ZNF487: variants seen among roughly 807,000 people sequenced by gnomAD.
The protein encoded by ZNF487 is zinc finger protein 487, also known as KRAB domain only 1.
A neutral mutation model predicts 3.0 loss-of-function variants in ZNF487; 4 were observed. The ratio of observed to expected loss-of-function variants is 1.35; its 90% confidence interval spans 0.66 to 3.08. The LOEUF is 3.08. Among genes scored for constraint, ZNF487 ranks in the 30% most tolerant of loss-of-function variants. The pLI, the probability that ZNF487 is intolerant of heterozygous loss-of-function variation, is 0.01. For synonymous variants in ZNF487, 55 were observed against 34.6 expected (o/e 1.59, Z -2.06); for missense variants, 146 against 98.7 (o/e 1.48, Z -2.03).
At chr10:43,476,728 T>C (rs1394352234) in intron 3 of ZNF487, among the ~76,000 whole-genome samples, 1 of 152,162 alleles carries the variant, frequency 6.6e-6, no homozygotes, top group African/African-American at 2.4e-5. Context: ...TGGTATACCC[T>C]GTGCTGTGAA....
chr10:43,454,536 A>G (rs1169347326), intron 1 of ZNF487: 1 of 152,190 alleles, frequency 6.6e-6, no homozygotes, highest in Non-Finnish European at 1.5e-5. Flanking sequence ...TTTATATTCA[A>G]TGTTGTTGAA....
intron 1 of ZNF487, among the ~76,000 whole-genome samples, chr10:43,474,094 A>G (rs1257814402): frequency 6.6e-6 from 1 of 151,646 alleles, no homozygotes; most frequent in Non-Finnish European, 1.5e-5. Context: ...CCAGGAGGTC[A>G]AAGCTGCAGT....
the ZNF487 span, among the ~76,000 whole-genome samples, chr10:43,509,192 CAAAA>C: frequency 1.5e-5 from 2 of 130,344 alleles, no homozygotes. Flanking sequence ...AGACTCTGTC[CAAAA>C]AAAAAAAAAA....
the ZNF487 span, among the ~76,000 whole-genome samples, chr10:43,496,396 A>G: frequency 2.8e-4 from 43 of 152,276 alleles, no homozygotes; most frequent in African/African-American, 9.6e-4. Flanking sequence ...GCTTGAAGCT[A>G]TAAGCCTGGC....
chr10:43,451,145 C>T (rs1383267073), intron 1 of ZNF487, among the ~76,000 whole-genome samples: 1 of 151,650 alleles, frequency 6.6e-6, no homozygotes, highest in Non-Finnish European at 1.5e-5. Flanking sequence ...GGGGTTTTTC[C>T]ATGTTGGTCA....
At chr10:43,465,363 C>A (rs1330023651) in intron 1 of ZNF487, among the ~76,000 whole-genome samples, 1 of 148,242 alleles carries the variant, frequency 6.7e-6, no homozygotes, top group Non-Finnish European at 1.5e-5. Context: ...GGGTGGCTGC[C>A]GGGCGGAGGG....
At chr10:43,479,976 TTTCTTTCC>T (rs1160726512) in intron 3 of ZNF487, among the ~76,000 whole-genome samples, 2,262 of 43,892 alleles carry the variant, frequency 0.052, 73 homozygotes, top group African/African-American at 0.084. Flanking sequence ...CTTTCTTTTC[TTTCTTTCC>T]TTCTTTCTTT....
At chr10:43,443,568 G>A (rs1277237594) in intron 1 of ZNF487, among the ~76,000 whole-genome samples, 2 of 141,278 alleles carry the variant, frequency 1.4e-5, no homozygotes, top group African/African-American at 5.3e-5. Flanking sequence ...GAGATGAGGT[G>A]TCACCATGTT....
chr10:43,493,706 AAAAATATATATAT>A, the ZNF487 span, among the ~76,000 whole-genome samples: 7,731 of 61,186 alleles, frequency 0.13, 940 homozygotes, highest in Admixed American at 0.24. Flanking sequence ...AAAAAAAAAA[AAAAATATATATAT>A]ATATATATAT....
chr10:43,469,419 C>G (rs1192237172), intron 1 of ZNF487, among the ~76,000 whole-genome samples: 3 of 152,106 alleles, frequency 2.0e-5, no homozygotes, highest in South Asian at 4.1e-4. Flanking sequence ...TCTCGAACCC[C>G]TGACCTCAGG....
chr10:43,455,354 T>C (rs1840146046), intron 1 of ZNF487, among the ~76,000 whole-genome samples: 1 of 152,168 alleles, frequency 6.6e-6, no homozygotes. Context: ...GTATTGCAAG[T>C]AAGTCTCAAA....
At chr10:43,512,294 G>T in the ZNF487 span, among the ~76,000 whole-genome samples, 1 of 152,174 alleles carries the variant, frequency 6.6e-6, no homozygotes, top group South Asian at 2.1e-4. Flanking sequence ...GAGACCATGG[G>T]CATTTGAGCC....
chr10:43,488,447 G>A, the ZNF487 span, among the ~76,000 whole-genome samples: 1 of 152,098 alleles, frequency 6.6e-6, no homozygotes, highest in Admixed American at 6.6e-5. Context: ...ACATAATAAG[G>A]AGCAAAGCTA....
the ZNF487 span, among the ~76,000 whole-genome samples, chr10:43,490,213 G>A: frequency 6.6e-5 from 10 of 152,156 alleles, no homozygotes; most frequent in African/African-American, 2.2e-4. Context: ...GGTAGCCAGT[G>A]TGGTGGCAGG....
At chr10:43,456,461 G>C (rs1328921235) in intron 1 of ZNF487, among the ~76,000 whole-genome samples, 2 of 152,224 alleles carry the variant, frequency 1.3e-5, no homozygotes, top group Non-Finnish European at 2.9e-5. Context: ...TGCTCCAGCT[G>C]TCAGAGAGGT....
At chr10:43,486,896 A>G (rs530344237), downstream of ZNF487, among the ~76,000 whole-genome samples, 3 of 152,362 alleles carry the variant, frequency 2.0e-5, no homozygotes, top group African/African-American at 7.2e-5. Flanking sequence ...AAAAATTGCA[A>G]AGATTGAAGA....
At chr10:43,508,405 C>T in the ZNF487 span, among the ~76,000 whole-genome samples, 1 of 152,142 alleles carries the variant, frequency 6.6e-6, no homozygotes, top group South Asian at 2.1e-4. Context: ...CACTTATGAC[C>T]TTAAAATGTA....
chr10:43,476,368 T>C (rs1416856472), intron 3 of ZNF487, among the ~76,000 whole-genome samples, 166 bp downstream of exon 3: 1 of 152,216 alleles, frequency 6.6e-6, no homozygotes. Context: ...CAGATGTATA[T>C]GTTATTACAC....
the ZNF487 span, among the ~76,000 whole-genome samples, chr10:43,488,857 C>G: frequency 6.6e-6 from 1 of 151,926 alleles, no homozygotes; most frequent in Non-Finnish European, 1.5e-5. Flanking sequence ...TGGCTTACTC[C>G]TGTTATCCCA....
Sources: gnomAD v4.1 joint callset for allele counts (sites outside exome capture counted in the v4.1 genomes callset) on GRCh38, gnomAD v4.1.1 for gene constraint, MANE v1.5 for transcripts, NCBI Gene and HGNC (gene_info 2026-07-23, HGNC 2026-07-21) for gene names.